Variants in TMIE observed in about 807,000 individuals in gnomAD.
The protein encoded by TMIE is transmembrane inner ear.
A neutral mutation model predicts 16.8 loss-of-function variants in TMIE; 14 were observed. The ratio of observed to expected loss-of-function variants is 0.83; its 90% CI spans 0.55 to 1.30. The LOEUF (loss-of-function observed/expected upper bound fraction) is 1.30, where lower values mean the gene tolerates loss of function less well. Ranked by LOEUF, TMIE falls within the 50% of genes most tolerant of loss-of-function variation. The pLI is 0.00. For synonymous variants in TMIE, 75 were observed against 87.2 expected (o/e 0.86, Z 0.78); for missense variants, 204 against 205.9 (o/e 0.99, Z 0.06).
chr3:46,697,058 C>A (rs1700417298), upstream of TMIE, among the ~76,000 whole-genome samples: 1 of 152,122 alleles, frequency 6.6e-6, no homozygotes, highest in African/African-American at 2.4e-5. Flanking sequence ...AGGGCATAAC[C>A]CCTCTATGAG....
At chr3:46,707,871 G>A (rs1700571858) in intron 2 of TMIE, among the ~76,000 whole-genome samples, 1 of 152,216 alleles carries the variant, frequency 6.6e-6, no homozygotes, top group African/African-American at 2.4e-5. Flanking sequence ...AGAAGAGGTG[G>A]CCTAAGCCGG....
chr3:46,709,517 A>G (rs1209579664), intron 3 of TMIE, 62 bp from the exon 4 acceptor site: 1 of 1,613,750 alleles, frequency 6.2e-7, no homozygotes, highest in African/African-American at 1.3e-5. Context: ...TCCCCTCAGG[A>G]CAGTCAGACC....
intron 2 of TMIE, among the ~76,000 whole-genome samples, chr3:46,708,242 C>T (rs1700576454): frequency 6.6e-6 from 1 of 152,208 alleles, no homozygotes; most frequent in Non-Finnish European, 1.5e-5. Context: ...CCAGAAGGTA[C>T]TCCAGTCCAG....
At chr3:46,699,057 C>CTTTTTTTTTTTTTT, upstream of TMIE, among the ~76,000 whole-genome samples, 1 of 65,292 alleles carries the variant, frequency 1.5e-5, no homozygotes, top group Non-Finnish European at 3.3e-5. Flanking sequence ...AATGGTGTTT[C>CTTTTTTTTTTTTTT]TTATTTTTTT....
chr3:46,695,108 C>G (rs1356493129), intron 1 of TMIE, among the ~76,000 whole-genome samples: 1 of 152,222 alleles, frequency 6.6e-6, no homozygotes, highest in African/African-American at 2.4e-5. Flanking sequence ...GGCCCCCACT[C>G]CCCTTCACAG....
intron 2 of TMIE, among the ~76,000 whole-genome samples, chr3:46,707,179 G>A (rs916232809): frequency 3.3e-5 from 5 of 152,210 alleles, no homozygotes; most frequent in Admixed American, 1.3e-4. Context: ...GAAACAGCCC[G>A]CTGCAGGGCT....
chr3:46,705,960 C>G, intron 2 of TMIE, 53 bp downstream of exon 2: 1 of 1,557,002 alleles, frequency 6.4e-7, no homozygotes, highest in Non-Finnish European at 8.9e-7. Flanking sequence ...AACACAGCAC[C>G]CCCTGCCCCC....
upstream of TMIE, among the ~76,000 whole-genome samples, chr3:46,700,042 G>C (rs894790100): frequency 1.3e-5 from 2 of 152,226 alleles, no homozygotes; most frequent in Non-Finnish European, 1.5e-5. Context: ...GCTTTCCCTA[G>C]CCTGGCCTGT....
At chr3:46,697,234 A>G (rs1700419152), upstream of TMIE, among the ~76,000 whole-genome samples, 2 of 152,300 alleles carry the variant, frequency 1.3e-5, no homozygotes, top group Non-Finnish European at 2.9e-5. Context: ...GCCTCAGGGC[A>G]GGCCCCAGGA....
upstream of TMIE, among the ~76,000 whole-genome samples, chr3:46,699,071 T>TTA (rs1700440361): frequency 7.1e-6 from 1 of 141,802 alleles, no homozygotes; most frequent in Non-Finnish European, 1.5e-5. Context: ...TTTTTTTTTT[T>TTA]TTTTTTTTTT....
At chr3:46,707,454 T>G (rs1700566532) in intron 2 of TMIE, among the ~76,000 whole-genome samples, 1 of 152,062 alleles carries the variant, frequency 6.6e-6, no homozygotes, top group South Asian at 2.1e-4. Flanking sequence ...ATCTAGGCAG[T>G]GGGGGCAACA....
chr3:46,696,219 G>A (rs565907914), intron 1 of TMIE, among the ~76,000 whole-genome samples: 1 of 152,300 alleles, frequency 6.6e-6, no homozygotes, highest in South Asian at 2.1e-4. Context: ...GCAGCCCTGG[G>A]TATGCGTGTG....
intron 2 of TMIE, among the ~76,000 whole-genome samples, chr3:46,707,479 G>A (rs1700566826): frequency 6.6e-6 from 1 of 152,134 alleles, no homozygotes; most frequent in African/African-American, 2.4e-5. Context: ...TCCCTCTCCT[G>A]GGGGGAAACA....
chr3:46,701,417 G>T lies in TMIE; in HGVS notation c.-71G>T, dbSNP rs1402812294. On this transcript the variant is annotated 5_prime_UTR_variant, in exon 1 of 4. Coordinates refer to ENST00000643606, the MANE Select transcript of TMIE (RefSeq NM_147196.3). This position sits in a 1 kb window ranked among gnomAD's most constrained non-coding sequence, Gnocchi z 4.3. ...CAAAGCCCGTGGCCACCGAGCGCCGGCTGGCAGGGGCAGTGACCGGCGGCC... is the reference window on the plus strand; with the variant it reads ...CAAAGCCCGTGGCCACCGAGCGCCGTCTGGCAGGGGCAGTGACCGGCGGCC... 5.4e-6 allele frequency: 7 copies of T among 1,300,064 alleles called. No individual in the cohort carries two copies. Among genetic ancestry groups the T allele is most frequent in the Non-Finnish European group, 7.2e-6 (7 of 977,664 alleles). 80.5% of individuals were successfully genotyped at this position (1,300,064 alleles called of 1,614,324 possible). A position where few individuals can be genotyped will look rare whatever the true frequency, so the allele number is the denominator to read the frequency against.
At chr3:46,695,728 G>A (rs1028274571) in intron 1 of TMIE, among the ~76,000 whole-genome samples, 1 of 152,180 alleles carries the variant, frequency 6.6e-6, no homozygotes, top group Non-Finnish European at 1.5e-5. Context: ...GGAAGGCAGT[G>A]CTGCCTGGGC....
chr3:46,709,442 G>A lies in TMIE; in HGVS notation c.362-137G>A, dbSNP rs980595938. Reference sequence around the variant, plus strand: ...TTGGTTGGCATGAGGCAAATAGAACGATGAGCCTATTCTCCAGTAGGAAGA... The same window carrying A: ...TTGGTTGGCATGAGGCAAATAGAACAATGAGCCTATTCTCCAGTAGGAAGA... On this transcript the variant is annotated intron_variant, in intron 3 of 3. Coordinates refer to ENST00000643606, the MANE Select transcript of TMIE (RefSeq NM_147196.3). 21 of 1,604,800 alleles carry A rather than the reference G, an allele frequency of 1.3e-5. 1 individual carries two copies. The highest frequency in any genetic ancestry group is 6.7e-5 in the South Asian group (6 of 89,948).
intron 2 of TMIE, among the ~76,000 whole-genome samples, chr3:46,708,271 A>G (rs1700576700): frequency 6.6e-6 from 1 of 152,240 alleles, no homozygotes; most frequent in Non-Finnish European, 1.5e-5. Context: ...GATCTGATCC[A>G]TCTTCCCCAA....
upstream of TMIE, among the ~76,000 whole-genome samples, chr3:46,694,005 C>T (rs1192186515): frequency 6.6e-6 from 1 of 152,134 alleles, no homozygotes; most frequent in African/African-American, 2.4e-5. Context: ...GCTTCCCCTG[C>T]AAGGCTCCGA....
At chr3:46,699,060 A>ATTTTTTTTTTTTTTTTT (rs397951323), upstream of TMIE, among the ~76,000 whole-genome samples, 2 of 84,854 alleles carry the variant, frequency 2.4e-5, no homozygotes, top group Non-Finnish European at 2.1e-5. Context: ...GGTGTTTCTT[A>ATTTTTTTTTTTTTTTTT]TTTTTTTTTT....
Sources: gnomAD v4.1 joint callset for allele counts (sites outside exome capture counted in the v4.1 genomes callset) on GRCh38, gnomAD v4.1.1 for gene constraint, Gnocchi (gnomAD v3.1) non-coding constraint, MANE v1.5 for transcripts, NCBI Gene and HGNC (gene_info 2026-07-23, HGNC 2026-07-21) for gene names.